OPCML: variants seen among roughly 807,000 people sequenced by gnomAD.
The protein encoded by OPCML is opioid binding protein/cell adhesion molecule like, also known as opioid-binding protein/cell adhesion molecule.
In OPCML, 13 loss-of-function variants were observed where a neutral mutation model predicts 37.8. The ratio of observed to expected loss-of-function variants is 0.34; its 90% CI spans 0.22 to 0.55. The LOEUF is 0.55. Ranked by LOEUF, OPCML falls within the 20% of genes least tolerant of loss-of-function variation. OPCML has a pLI of 0.91. For synonymous variants in OPCML, 176 were observed against 168.8 expected, an observed-to-expected ratio of 1.04 and a Z score of -0.33; for missense variants, 341 against 435.6, an observed-to-expected ratio of 0.78 and a Z score of 1.93.
chr11:133,417,300 C>T (rs1565623222), intron 1 of OPCML, among the ~76,000 whole-genome samples: 1 of 152,058 alleles, frequency 6.6e-6, no homozygotes, highest in Non-Finnish European at 1.5e-5. Flanking sequence ...CACTGGGCAC[C>T]TAAAAGGGAC....
chr11:132,833,758 AT>A (rs1940849369), intron 2 of OPCML, among the ~76,000 whole-genome samples: 1 of 152,220 alleles, frequency 6.6e-6, no homozygotes, highest in Admixed American at 6.5e-5. Context: ...TTTCAGCTCC[AT>A]TATAATCATA....
At chr11:132,669,441 C>A (rs891936487) in intron 2 of OPCML, among the ~76,000 whole-genome samples, 1 of 152,214 alleles carries the variant, frequency 6.6e-6, no homozygotes, top group Non-Finnish European at 1.5e-5. Context: ...AAGGGTCTTA[C>A]TCCCAACCCA....
chr11:133,090,441 A>C (rs1184691473), intron 1 of OPCML, among the ~76,000 whole-genome samples: 5 of 152,234 alleles, frequency 3.3e-5, no homozygotes, highest in Non-Finnish European at 7.3e-5. Context: ...AAATCTTCTT[A>C]GACATTATCA....
At chr11:133,092,531 C>T (rs1948922161) in intron 1 of OPCML, among the ~76,000 whole-genome samples, 1 of 151,980 alleles carries the variant, frequency 6.6e-6, no homozygotes, top group African/African-American at 2.4e-5. Context: ...TTGAGACCAG[C>T]CTGGCCAATA....
intron 1 of OPCML, among the ~76,000 whole-genome samples, chr11:133,475,184 G>A (rs920293122): frequency 6.6e-6 from 1 of 150,916 alleles, no homozygotes; most frequent in Non-Finnish European, 1.5e-5. Context: ...TTTTTATTGT[G>A]TGTAGGGTTT....
chr11:133,507,716 G>A (rs976935827), intron 1 of OPCML, among the ~76,000 whole-genome samples: 18 of 152,012 alleles, frequency 1.2e-4, no homozygotes, highest in Admixed American at 3.9e-4. Context: ...AGGCCGAGGC[G>A]GGCGGACCAC....
intron 2 of OPCML, among the ~76,000 whole-genome samples, chr11:132,916,575 C>T (rs953447797): frequency 6.6e-6 from 1 of 152,150 alleles, no homozygotes; most frequent in African/African-American, 2.4e-5. Flanking sequence ...AAAGAAGATG[C>T]ACCATGAGGA....
intron 1 of OPCML, among the ~76,000 whole-genome samples, chr11:132,953,898 G>C (rs1488988990): frequency 1.3e-5 from 2 of 152,152 alleles, no homozygotes; most frequent in Non-Finnish European, 2.9e-5. Context: ...GGCTTGCAGA[G>C]AGCTTGGCAT....
intron 1 of OPCML, among the ~76,000 whole-genome samples, chr11:133,294,273 C>T (rs1942566274): frequency 6.6e-6 from 1 of 152,118 alleles, no homozygotes; most frequent in South Asian, 2.1e-4. Flanking sequence ...CAATCACACC[C>T]ACAGATAGAA....
intron 2 of OPCML, among the ~76,000 whole-genome samples, chr11:132,762,338 T>C (rs1946293148): frequency 6.6e-6 from 1 of 152,204 alleles, no homozygotes; most frequent in Non-Finnish European, 1.5e-5. Context: ...GCCTGAGCCC[T>C]GTCCTGGGAC....
rs79280288 is a variant in OPCML, at chr11:132,628,670, C to T, written c.379+28417G>A. On this transcript the variant is annotated intron_variant, in intron 3 of 7. Transcript: ENST00000524381. ...CCAGATAATTACACCCTTACACCAC[C>T]TGTGTCCCCAGCCAAATCTCATCTT... is the stretch of plus-strand genomic sequence containing the variant. Among the ~76,000 whole-genome samples the T allele has an allele frequency of 7.3e-3, 1,109 of 152,262 alleles. 6 individuals carry two copies. Among genetic ancestry groups the T allele is most frequent in the African/African-American group, 0.025 (1,053 of 41,538 alleles).
intron 3 of OPCML, among the ~76,000 whole-genome samples, chr11:132,616,573 A>G (rs1939036318): frequency 6.6e-6 from 1 of 152,224 alleles, no homozygotes; most frequent in African/African-American, 2.4e-5. Flanking sequence ...TTTCTGCTCT[A>G]ATGTTCTAGA....
chr11:133,380,309 G>A (rs1944903888), intron 1 of OPCML, among the ~76,000 whole-genome samples: 1 of 152,140 alleles, frequency 6.6e-6, no homozygotes, highest in South Asian at 2.1e-4. Flanking sequence ...CAAATAAAAG[G>A]CAATCACAGA....
intron 4 of OPCML, among the ~76,000 whole-genome samples, chr11:132,521,226 G>C (rs1242514139): frequency 6.6e-6 from 1 of 151,872 alleles, no homozygotes; most frequent in Non-Finnish European, 1.5e-5. Flanking sequence ...TGATAGGACT[G>C]TTTTTTTATC....
At chr11:133,354,381 C>A (rs971010376) in intron 1 of OPCML, among the ~76,000 whole-genome samples, 1 of 70,508 alleles carries the variant, frequency 1.4e-5, no homozygotes. Flanking sequence ...AAGAAAAATA[C>A]GAATCAATGC....
At chr11:133,250,693 A>G (rs746690335) in intron 1 of OPCML, among the ~76,000 whole-genome samples, 2 of 152,266 alleles carry the variant, frequency 1.3e-5, no homozygotes, top group African/African-American at 4.8e-5. Flanking sequence ...CTGAAAGAAT[A>G]CAGTGTTTAC....
intron 1 of OPCML, among the ~76,000 whole-genome samples, chr11:133,410,854 T>A (rs76395305): frequency 6.6e-6 from 1 of 152,056 alleles, no homozygotes; most frequent in African/African-American, 2.4e-5. Context: ...AAGGCTTTCT[T>A]GGGCCTGTGA....
At chr11:132,639,775 A>G (rs1940739818) in intron 3 of OPCML, among the ~76,000 whole-genome samples, 1 of 152,214 alleles carries the variant, frequency 6.6e-6, no homozygotes, top group Non-Finnish European at 1.5e-5. Flanking sequence ...AGATAACTTT[A>G]GAAAGTAATA....
chr11:132,570,803 T>TATATATATATATA (rs2096436331), intron 3 of OPCML, among the ~76,000 whole-genome samples: 13 of 34,024 alleles, frequency 3.8e-4, no homozygotes, highest in Admixed American at 6.3e-4. Flanking sequence ...ATATATATAT[T>TATATATATATATA]TAGAGAGAGA....
Sources: allele counts gnomAD v4.1 joint callset (sites outside exome capture counted in the v4.1 genomes callset), GRCh38; gene constraint gnomAD v4.1.1; transcripts MANE v1.5; gene names NCBI Gene and HGNC (gene_info 2026-07-23, HGNC 2026-07-21).